The following FANCB variants were observed in gnomAD, a reference collection of about 807,000 sequenced individuals.
The protein encoded by FANCB is Fanconi anemia group B protein.
In FANCB, 5 loss-of-function variants were observed where a neutral mutation model predicts 38.9. That is an observed-to-expected ratio of 0.13 (90% confidence interval 0.07 to 0.27). The LOEUF (loss-of-function observed/expected upper bound fraction) is 0.27, where lower values mean the gene tolerates loss of function less well. FANCB is among the 10% of genes least tolerant of loss of function. The pLI is 1.00. For missense variants in FANCB, 573 were observed against 602.7 expected, an observed-to-expected ratio of 0.95 and a Z score of 0.52; for synonymous variants, 236 against 215.4, an observed-to-expected ratio of 1.10 and a Z score of -0.84.
Position 14,845,245 on chromosome X carries a change from G to T in FANCB, c.1538C>A (p.Ala513Asp). The change falls in exon 8 of 10, where the codon GCC (alanine) becomes GAC (aspartate). Residue 513 changes from alanine to aspartate, a missense_variant. Transcript: ENST00000650831. ...TAGAAGCCGAAATCTGGAGTCATGG[G>T]CTTGATCCATTAACAATGATAAAGT... ...DVTLSLLMDQ[A>D]HDSRFRLLKC... 2 of 1,209,832 alleles carry T rather than the reference G, an allele frequency of 1.7e-6. No individual in the cohort carries two copies. The highest frequency in any genetic ancestry group is 2.2e-6 in the Non-Finnish European group (2 of 894,271).
the FANCB span, among the ~76,000 whole-genome samples, chrX:14,802,545 C>G: frequency 1.8e-5 from 2 of 111,694 alleles, no homozygotes; most frequent in South Asian, 7.5e-4. Flanking sequence ...GAGTCAATTG[C>G]TGGGAGCAGG....
intron 2 of FANCB, among the ~76,000 whole-genome samples, chrX:14,867,737 T>C (rs1258818365): frequency 1.1e-5 from 1 of 93,051 alleles, no homozygotes; most frequent in Non-Finnish European, 2.1e-5. Flanking sequence ...TGAGATTACA[T>C]CAAATTGAAA....
At chrX:14,796,612 A>G in the FANCB span, among the ~76,000 whole-genome samples, 1 of 97,284 alleles carries the variant, frequency 1.0e-5, no homozygotes, top group Non-Finnish European at 2.0e-5. Context: ...TATATGTTAC[A>G]TAATATATAT....
At position 14,848,406 on chromosome X, in the gene FANCB, A is replaced by G. The variant is rs772103544; in HGVS notation, c.1496+2099T>C. On this transcript the variant is annotated intron_variant, in intron 7 of 9. Transcript: ENST00000650831. The stretch of plus-strand genomic sequence containing the variant: ...ACCCTTGTAGAGAGCCTATAAATGG[A>G]CGCACAGGGGGCGCCTGTCCATATG... 7.9e-3 allele frequency among the ~76,000 whole-genome samples: 883 copies of G among 111,413 alleles called. 8 individuals carry two copies. The highest frequency in any genetic ancestry group is 0.026 in the African/African-American group (809 of 30,622).
chrX:14,835,033 G>A (rs373529295), downstream of FANCB: 415 of 583,892 alleles, frequency 7.1e-4, 1 homozygote, highest in South Asian at 8.8e-3. Flanking sequence ...AAGAGCGCTG[G>A]TGGTGTTATT....
chrX:14,788,078 G>A, the FANCB span, among the ~76,000 whole-genome samples: 2 of 107,576 alleles, frequency 1.9e-5, no homozygotes, highest in Admixed American at 1.0e-4. Flanking sequence ...GACAAGTCCC[G>A]GGGCTGGAGC....
At chrX:14,820,855 A>G in the FANCB span, among the ~76,000 whole-genome samples, 3 of 111,737 alleles carry the variant, frequency 2.7e-5, no homozygotes, top group Admixed American at 2.9e-4. Context: ...CAGGAACTCT[A>G]TGCTATTTTT....
At chrX:14,718,437 T>C in the FANCB span, among the ~76,000 whole-genome samples, 1 of 112,399 alleles carries the variant, frequency 8.9e-6, no homozygotes, top group Non-Finnish European at 1.9e-5. Context: ...ATGACTCAAA[T>C]AGCCTGTTCC....
At chrX:14,709,459 G>A in the FANCB span, among the ~76,000 whole-genome samples, 12 of 111,765 alleles carry the variant, frequency 1.1e-4, no homozygotes, top group African/African-American at 3.6e-4. Context: ...ATTAAATCTG[G>A]TAACCGTAAT....
the FANCB span, among the ~76,000 whole-genome samples, chrX:14,720,140 CAAT>C: frequency 9.0e-6 from 1 of 110,548 alleles, no homozygotes; most frequent in East Asian, 2.8e-4. Context: ...CTACAGTAAA[CAAT>C]AATTTATTGT....
At chrX:14,710,505 A>G in the FANCB span, among the ~76,000 whole-genome samples, 1 of 112,126 alleles carries the variant, frequency 8.9e-6, no homozygotes, top group Non-Finnish European at 1.9e-5. Flanking sequence ...TCTATATTCT[A>G]TATTTTATAT....
chrX:14,716,061 C>T, the FANCB span, among the ~76,000 whole-genome samples: 1 of 111,417 alleles, frequency 9.0e-6, no homozygotes, highest in Non-Finnish European at 1.9e-5. Context: ...GTATAGTATG[C>T]ATACTCACGA....
the FANCB span, among the ~76,000 whole-genome samples, chrX:14,710,802 T>TA: frequency 8.9e-6 from 1 of 111,878 alleles, no homozygotes; most frequent in East Asian, 2.8e-4. Context: ...TTTACCCTCT[T>TA]AGACTTCTTA....
chrX:14,690,757 G>C, the FANCB span: 9 of 1,206,895 alleles, frequency 7.5e-6, no homozygotes, highest in East Asian at 2.7e-4. Flanking sequence ...TGTGCCTTCT[G>C]TTTGTGTTTG....
chrX:14,808,190 GGAATACTT>G, the FANCB span, among the ~76,000 whole-genome samples: 2 of 111,741 alleles, frequency 1.8e-5, no homozygotes, highest in African/African-American at 6.5e-5. Flanking sequence ...AGAGGAGGAG[GGAATACTT>G]CCAAACTCTT....
chrX:14,811,518 T>G, the FANCB span, among the ~76,000 whole-genome samples: 1 of 110,754 alleles, frequency 9.0e-6, no homozygotes, highest in South Asian at 3.9e-4. Context: ...GTTGCAATCC[T>G]AGTCTCGGAT....
chrX:14,738,129 T>C, the FANCB span, among the ~76,000 whole-genome samples: 1 of 112,308 alleles, frequency 8.9e-6, no homozygotes, highest in Non-Finnish European at 1.9e-5. Context: ...AAAGGCGTCT[T>C]GGATGGCAAG....
chrX:14,798,563 T>G, the FANCB span, among the ~76,000 whole-genome samples: 1 of 112,431 alleles, frequency 8.9e-6, no homozygotes, highest in East Asian at 2.8e-4. Context: ...TTCAAAATCA[T>G]ATGTAGTCTA....
intron 1 of FANCB, 111 bp from the exon 2 acceptor site, chrX:14,869,154 A>G (rs933741155): frequency 8.9e-6 from 1 of 112,217 alleles, no homozygotes; most frequent in African/African-American, 3.2e-5. Context: ...AGAAAGGAAA[A>G]GCATGAAAAT....
Sources: allele counts gnomAD v4.1 joint callset (sites outside exome capture counted in the v4.1 genomes callset), GRCh38; gene constraint gnomAD v4.1.1; transcripts MANE v1.5; gene names NCBI Gene and HGNC (gene_info 2026-07-23, HGNC 2026-07-21).